B3GALT1: variants seen among roughly 807,000 people sequenced by gnomAD.
B3GALT1 encodes beta-1,3-galactosyltransferase 1.
B3GALT1 carries 10 observed loss-of-function variants against 23.2 expected under a neutral mutation model. The observed-to-expected ratio is 0.43, with a 90% CI of 0.27 to 0.73. B3GALT1 has a LOEUF of 0.73. B3GALT1 is among the 30% of genes least tolerant of loss of function. The pLI, the probability that B3GALT1 is intolerant of heterozygous loss-of-function variation, is 0.21. For missense variants in B3GALT1, 299 were observed against 405.4 expected, an observed-to-expected ratio of 0.74 and a Z score of 2.25; for synonymous variants, 156 against 141.5, an observed-to-expected ratio of 1.10 and a Z score of -0.73.
intron 1 of B3GALT1, among the ~76,000 whole-genome samples, chr2:167,378,700 A>G (rs564567146): frequency 6.6e-6 from 1 of 151,986 alleles, no homozygotes; most frequent in South Asian, 2.1e-4. Context: ...AAAGATATCT[A>G]TTTCTTATTT....
chr2:167,367,075 G>A (rs984850153), intron 1 of B3GALT1, among the ~76,000 whole-genome samples: 7 of 152,290 alleles, frequency 4.6e-5, no homozygotes, highest in Admixed American at 1.3e-4. Context: ...TTCATTGAAC[G>A]CTACTGATGT....
chr2:167,736,393 A>G (rs1043096851), intron 3 of B3GALT1, among the ~76,000 whole-genome samples: 2 of 152,228 alleles, frequency 1.3e-5, no homozygotes, highest in African/African-American at 4.8e-5. Flanking sequence ...TCTTTTCATC[A>G]CTATAGAACA....
intron 3 of B3GALT1, among the ~76,000 whole-genome samples, chr2:167,733,216 A>T (rs1687434840): frequency 6.6e-6 from 1 of 152,128 alleles, no homozygotes; most frequent in African/African-American, 2.4e-5. Flanking sequence ...TCTGACATGG[A>T]TGACACCCTG....
intron 3 of B3GALT1, among the ~76,000 whole-genome samples, chr2:167,700,972 C>G (rs934668163): frequency 6.6e-6 from 1 of 152,174 alleles, no homozygotes; most frequent in African/African-American, 2.4e-5. Flanking sequence ...CACCTGCCCT[C>G]GTAATAATAG....
At chr2:167,512,593 T>C (rs56166323) in intron 2 of B3GALT1, among the ~76,000 whole-genome samples, 23,964 of 79,908 alleles carry the variant, frequency 0.3, 4,370 homozygotes, top group East Asian at 0.77. Context: ...TATATATATG[T>C]GTATATATAT....
Position 167,463,567 on chromosome 2 carries a change from T to TA in B3GALT1, c.-510-26608dup, listed in dbSNP as rs557316911. On this transcript the variant is annotated intron_variant, in intron 1 of 4. Coordinates refer to ENST00000392690, the MANE Select transcript of B3GALT1 (RefSeq NM_020981.4). ...AGTTTGACTCTAAAATCTGGACCCATAATCACTTACTTGACCATTTCACAT... is the reference window on the plus strand; with the variant it reads ...AGTTTGACTCTAAAATCTGGACCCATAAATCACTTACTTGACCATTTCACAT... Among the ~76,000 whole-genome samples, 8 of 152,288 alleles carry TA rather than the reference T, an allele frequency of 5.3e-5. No individual in the cohort carries two copies. In the East Asian group the frequency reaches 1.5e-3, roughly 29 times the overall value.
At chr2:167,354,380 C>T (rs1307745227) in intron 1 of B3GALT1, among the ~76,000 whole-genome samples, 1 of 146,712 alleles carries the variant, frequency 6.8e-6, no homozygotes, top group Non-Finnish European at 1.5e-5. Context: ...TGGAGTCTCA[C>T]TCTGTTGCCA....
chr2:167,638,693 C>G (rs998317734), intron 2 of B3GALT1, among the ~76,000 whole-genome samples: 10 of 151,926 alleles, frequency 6.6e-5, no homozygotes, highest in Non-Finnish European at 1.5e-4. Flanking sequence ...TTGTACAATT[C>G]TATTGTGTTT....
At chr2:167,609,021 C>T (rs1227197177) in intron 2 of B3GALT1, among the ~76,000 whole-genome samples, 1 of 152,038 alleles carries the variant, frequency 6.6e-6, no homozygotes, top group Non-Finnish European at 1.5e-5. Flanking sequence ...ACAAATATTA[C>T]ACTTATTGAT....
chr2:167,528,894 C>G (rs1308196728), intron 2 of B3GALT1, among the ~76,000 whole-genome samples: 1 of 152,128 alleles, frequency 6.6e-6, no homozygotes, highest in African/African-American at 2.4e-5. Context: ...GATCTTGGGT[C>G]TGCTTCTGGC....
intron 1 of B3GALT1, among the ~76,000 whole-genome samples, chr2:167,398,101 C>T (rs1698125254): frequency 6.6e-6 from 1 of 152,052 alleles, no homozygotes; most frequent in Non-Finnish European, 1.5e-5. Flanking sequence ...TATTCACTGG[C>T]CTATATCTTA....
chr2:167,657,540 A>T (rs1558939132), intron 3 of B3GALT1, among the ~76,000 whole-genome samples: 1 of 152,066 alleles, frequency 6.6e-6, no homozygotes, highest in African/African-American at 2.4e-5. Flanking sequence ...TTCACAGAAA[A>T]TTTTATCAGA....
chr2:167,392,972 C>T (rs1415041265), intron 1 of B3GALT1, among the ~76,000 whole-genome samples: 1 of 152,148 alleles, frequency 6.6e-6, no homozygotes, highest in Non-Finnish European at 1.5e-5. Context: ...CAGTGGCTCA[C>T]ACCTGTAATC....
At chr2:167,641,428 C>T (rs1685651158) in intron 2 of B3GALT1, among the ~76,000 whole-genome samples, 1 of 152,130 alleles carries the variant, frequency 6.6e-6, no homozygotes, top group Non-Finnish European at 1.5e-5. Context: ...ATTAATATTT[C>T]CTGCCACAGT....
intron 3 of B3GALT1, among the ~76,000 whole-genome samples, chr2:167,756,494 G>T (rs367816134): frequency 1.3e-5 from 2 of 152,160 alleles, no homozygotes; most frequent in East Asian, 3.8e-4. Flanking sequence ...ACTTCTCAGC[G>T]ATATGCTACG....
intron 2 of B3GALT1, among the ~76,000 whole-genome samples, chr2:167,623,854 A>G (rs1241262606): frequency 1.3e-5 from 2 of 152,072 alleles, no homozygotes; most frequent in Non-Finnish European, 2.9e-5. Flanking sequence ...TTCACTGGAC[A>G]TAAGGGATGT....
intron 1 of B3GALT1, among the ~76,000 whole-genome samples, chr2:167,392,583 A>AT (rs1380106293): frequency 6.6e-6 from 1 of 152,190 alleles, no homozygotes; most frequent in Non-Finnish European, 1.5e-5. Context: ...CTTGAGATGT[A>AT]TTAAACTGTA....
chr2:167,607,482 TA>T (rs1684985732), intron 2 of B3GALT1, among the ~76,000 whole-genome samples: 1 of 152,176 alleles, frequency 6.6e-6, no homozygotes, highest in Admixed American at 6.5e-5. Context: ...TGCTAGTGCA[TA>T]TAACTTAGCT....
intron 1 of B3GALT1, among the ~76,000 whole-genome samples, chr2:167,446,690 C>T (rs1006166848): frequency 6.6e-5 from 10 of 152,136 alleles, no homozygotes; most frequent in African/African-American, 1.2e-4. Flanking sequence ...ACGTAGTTCT[C>T]GTTCCATGGT....
Sources: gnomAD v4.1 joint callset for allele counts (sites outside exome capture counted in the v4.1 genomes callset) on GRCh38, gnomAD v4.1.1 for gene constraint, MANE v1.5 for transcripts, NCBI Gene and HGNC (gene_info 2026-07-23, HGNC 2026-07-21) for gene names.